Variants in RNF130 observed in about 807,000 individuals in gnomAD.
The protein encoded by RNF130 is ring finger protein 130.
A neutral mutation model predicts 44.6 loss-of-function variants in RNF130; 21 were observed. The ratio of observed to expected loss-of-function variants is 0.47; its 90% CI spans 0.33 to 0.68. RNF130 has a LOEUF of 0.68. Among genes scored for constraint, RNF130 ranks in the 30% least tolerant of loss-of-function variants. RNF130 has a pLI of 0.02. For missense variants in RNF130, 479 were observed against 560.6 expected (o/e 0.85, Z 1.47); for synonymous variants, 214 against 210.4 (o/e 1.02, Z -0.15).
At chr5:179,984,314 C>G (rs886237455) in intron 3 of RNF130, among the ~76,000 whole-genome samples, 1 of 152,044 alleles carries the variant, frequency 6.6e-6, no homozygotes, top group Non-Finnish European at 1.5e-5. Context: ...TAAAGAACAA[C>G]GCAGAAACAG....
intron 5 of RNF130, among the ~76,000 whole-genome samples, chr5:179,971,870 TAC>T (rs1225457363): frequency 4.6e-5 from 7 of 152,318 alleles, no homozygotes; most frequent in Non-Finnish European, 7.4e-5. Flanking sequence ...CTGAACAATA[TAC>T]ACACACGTCT....
chr5:180,067,114 A>G (rs1005679756), intron 1 of RNF130, among the ~76,000 whole-genome samples: 7 of 152,188 alleles, frequency 4.6e-5, no homozygotes, highest in African/African-American at 1.7e-4. Flanking sequence ...TCTAGTCTTG[A>G]GGCCCAAATG....
rs59826561 is a variant in RNF130 at position 179,992,568 on chromosome 5, A to G, written c.694-12368T>C. 2.0e-5 allele frequency among the ~76,000 whole-genome samples: 3 copies of G among 152,296 alleles called. No individual in the cohort carries two copies. In the East Asian group the frequency reaches 5.8e-4, roughly 29 times the overall value. ...TGACATTTTGAGGATTTAAGGATCCATTGTTGGAGAATTACTGTGTTTTTT... is the reference window on the plus strand; with the variant it reads ...TGACATTTTGAGGATTTAAGGATCCGTTGTTGGAGAATTACTGTGTTTTTT... On this transcript the variant is annotated intron_variant, in intron 3 of 8. Coordinates refer to ENST00000521389, the MANE Select transcript of RNF130 (RefSeq NM_018434.6).
chr5:179,998,886 T>TATATATATATATATATATA lies in RNF130; in HGVS notation c.693+14174_693+14175insTATATATATATATATATAT, dbSNP rs1389273465. Among the ~76,000 whole-genome samples the TATATATATATATATATATA allele has an allele frequency of 8.5e-4, 90 of 105,462 alleles. 1 individual carries two copies. Among genetic ancestry groups the TATATATATATATATATATA allele is most frequent in the Non-Finnish European group, 1.1e-3 (52 of 47,500 alleles). The allele number at this position is 105,462 out of a possible 152,430, so 69.2% of individuals were successfully genotyped here. A position where few individuals can be genotyped will look rare whatever the true frequency, so the allele number is the denominator to read the frequency against. On this transcript the variant is annotated intron_variant, in intron 3 of 8. Coordinates refer to ENST00000521389, the MANE Select transcript of RNF130 (RefSeq NM_018434.6). ...ATATATATATATATATATATATATGTTTTATATATCTGAGTGCTCCAGTGT... is the reference window on the plus strand; with the variant it reads ...ATATATATATATATATATATATATGTATATATATATATATATATATTTATATATCTGAGTGCTCCAGTGT...
chr5:179,924,389 G>A (rs1761677350), intron 7 of RNF130, among the ~76,000 whole-genome samples: 1 of 152,024 alleles, frequency 6.6e-6, no homozygotes, highest in South Asian at 2.1e-4. Flanking sequence ...CAGCTACTCG[G>A]GAGGCTGAGG....
At chr5:179,931,116 A>G (rs1298218010) in intron 7 of RNF130, among the ~76,000 whole-genome samples, 1 of 151,958 alleles carries the variant, frequency 6.6e-6, no homozygotes, top group Non-Finnish European at 1.5e-5. Flanking sequence ...AGATAAAAAC[A>G]TGGTGACCGC....
exon 8 of RNF130, chr5:179,919,967 C>A (rs1761604426): frequency 5.0e-6 from 1 of 199,826 alleles, no homozygotes; most frequent in African/African-American, 2.3e-5. Context: ...TTAAAAACCC[C>A]AGCTTCCCTG....
intron 1 of RNF130, among the ~76,000 whole-genome samples, chr5:180,062,356 G>A (rs901604299): frequency 8.6e-5 from 13 of 151,502 alleles, no homozygotes; most frequent in African/African-American, 7.3e-5. Context: ...CACTGAGCCC[G>A]GTCCCCCCAG....
intron 5 of RNF130, among the ~76,000 whole-genome samples, chr5:179,973,694 G>GA (rs575768050): frequency 1.3e-5 from 2 of 152,276 alleles, no homozygotes; most frequent in Non-Finnish European, 2.9e-5. Context: ...GGACACCCAG[G>GA]AGGCCTCAGA....
At chr5:180,024,200 T>C (rs1320105084) in intron 2 of RNF130, among the ~76,000 whole-genome samples, 2 of 152,164 alleles carry the variant, frequency 1.3e-5, no homozygotes. Flanking sequence ...TAATGGATCA[T>C]GATGACTAAA....
chr5:180,059,692 AAAC>A (rs1323060698), intron 1 of RNF130, among the ~76,000 whole-genome samples: 1 of 152,258 alleles, frequency 6.6e-6, no homozygotes. Context: ...TGAGCCGTGA[AAAC>A]AACTGACCCA....
intron 7 of RNF130, among the ~76,000 whole-genome samples, chr5:179,926,914 C>T (rs1761716235): frequency 6.6e-6 from 1 of 152,212 alleles, no homozygotes; most frequent in South Asian, 2.1e-4. Context: ...TTGGCATCTG[C>T]CTCAGAACTG....
At chr5:180,031,002 A>T (rs1343423438) in intron 2 of RNF130, among the ~76,000 whole-genome samples, 1 of 152,200 alleles carries the variant, frequency 6.6e-6, no homozygotes, top group Non-Finnish European at 1.5e-5. Context: ...ACTCAATGGG[A>T]AGAAGATAAG....
intron 1 of RNF130, among the ~76,000 whole-genome samples, chr5:180,064,333 G>A (rs1765049983): frequency 6.6e-6 from 1 of 152,170 alleles, no homozygotes; most frequent in Admixed American, 6.5e-5. Context: ...GGAAAAGAGT[G>A]GGAATCTTAA....
intron 1 of RNF130, among the ~76,000 whole-genome samples, chr5:180,068,120 A>G (rs2113195714): frequency 6.6e-6 from 1 of 152,336 alleles, no homozygotes; most frequent in South Asian, 2.1e-4. Context: ...CCCCACCAGC[A>G]CATCTGCATA....
At chr5:180,007,680 G>A (rs1763492617) in intron 3 of RNF130, among the ~76,000 whole-genome samples, 1 of 152,216 alleles carries the variant, frequency 6.6e-6, no homozygotes, top group Non-Finnish European at 1.5e-5. Context: ...GCTTTGGAAG[G>A]ATCCTGCATG....
intron 7 of RNF130, chr5:179,920,453 T>A (rs1432288908): frequency 1.4e-6 from 1 of 700,466 alleles, no homozygotes. Context: ...AGAAAGAGAC[T>A]TAATAGGTCA....
chr5:179,998,777 T>C (rs1267425411), intron 3 of RNF130, among the ~76,000 whole-genome samples: 7 of 150,272 alleles, frequency 4.7e-5, no homozygotes, highest in Non-Finnish European at 1.0e-4. Flanking sequence ...CTAGATGATC[T>C]GTCTAATGCT....
intron 3 of RNF130, among the ~76,000 whole-genome samples, chr5:179,992,572 T>C (rs1282364447): frequency 1.3e-5 from 2 of 152,232 alleles, no homozygotes; most frequent in Admixed American, 6.5e-5. Context: ...GGATCCATTG[T>C]TGGAGAATTA....
Sources: gnomAD v4.1 joint callset for allele counts (sites outside exome capture counted in the v4.1 genomes callset) on GRCh38, gnomAD v4.1.1 for gene constraint, MANE v1.5 for transcripts, NCBI Gene and HGNC (gene_info 2026-07-23, HGNC 2026-07-21) for gene names.